The following NKAIN2 variants were observed in gnomAD, a reference collection of about 807,000 sequenced individuals.
The protein encoded by NKAIN2 is sodium/potassium-transporting ATPase subunit beta-1-interacting protein 2.
NKAIN2 carries 14 observed loss-of-function variants against 32.6 expected under a neutral mutation model. The ratio of observed to expected loss-of-function variants is 0.43; its 90% CI spans 0.28 to 0.67. The LOEUF is 0.67. Among genes scored for constraint, NKAIN2 ranks in the 30% least tolerant of loss-of-function variants. The pLI, the probability that NKAIN2 is intolerant of heterozygous loss-of-function variation, is 0.17. For synonymous variants in NKAIN2, 80 were observed against 87.2 expected (o/e 0.92, Z 0.46); for missense variants, 198 against 258.3 (o/e 0.77, Z 1.60).
chr6:124,220,790 T>C (rs1791774135), intron 1 of NKAIN2, among the ~76,000 whole-genome samples: 1 of 152,062 alleles, frequency 6.6e-6, no homozygotes, highest in Non-Finnish European at 1.5e-5. Context: ...TAGTTTTATT[T>C]AAAGAGGCCT....
chr6:123,839,306 T>A (rs1274386908), intron 1 of NKAIN2, among the ~76,000 whole-genome samples: 1 of 152,192 alleles, frequency 6.6e-6, no homozygotes, highest in Non-Finnish European at 1.5e-5. Context: ...TAATTTTTAG[T>A]ACTTTAAGAA....
chr6:124,100,091 GAAC>G (rs1450852426), intron 1 of NKAIN2, among the ~76,000 whole-genome samples: 5 of 152,098 alleles, frequency 3.3e-5, no homozygotes, highest in African/African-American at 1.2e-4. Flanking sequence ...TGTTAAAATT[GAAC>G]ACAGTTTATT....
intron 1 of NKAIN2, among the ~76,000 whole-genome samples, chr6:123,975,563 G>A (rs562422763): frequency 6.6e-6 from 1 of 152,138 alleles, no homozygotes; most frequent in South Asian, 2.1e-4. Flanking sequence ...TCATAAACTG[G>A]GTGGCTTATA....
intron 1 of NKAIN2, among the ~76,000 whole-genome samples, chr6:123,910,499 G>GTGTTTTTTTTTTTTT (rs1491095246): frequency 1.2e-5 from 1 of 81,314 alleles, no homozygotes; most frequent in African/African-American, 5.0e-5. Flanking sequence ...TGCAATGCAT[G>GTGTTTTTTTTTTTTT]TTTTTTTTTT....
chr6:124,222,141 A>G (rs1281730185), intron 1 of NKAIN2, among the ~76,000 whole-genome samples: 1 of 152,152 alleles, frequency 6.6e-6, no homozygotes, highest in East Asian at 1.9e-4. Context: ...AACCTGATAG[A>G]AAATCTGTGT....
At chr6:123,967,946 TAAG>T (rs1562282854) in intron 1 of NKAIN2, among the ~76,000 whole-genome samples, 1 of 152,050 alleles carries the variant, frequency 6.6e-6, no homozygotes, top group Non-Finnish European at 1.5e-5. Flanking sequence ...AGGGCTCACT[TAAG>T]AAGAGGAGAA....
intron 1 of NKAIN2, among the ~76,000 whole-genome samples, chr6:124,198,380 A>G (rs1351678374): frequency 6.6e-6 from 1 of 151,570 alleles, no homozygotes. Flanking sequence ...TGGGAAACCC[A>G]TGGAGCCTGG....
chr6:124,809,198 A>C (rs1052224886), intron 5 of NKAIN2, among the ~76,000 whole-genome samples: 2 of 151,986 alleles, frequency 1.3e-5, no homozygotes, highest in African/African-American at 4.8e-5. Context: ...CAAAAGAACA[A>C]AGCTGGAGGC....
intron 4 of NKAIN2, among the ~76,000 whole-genome samples, chr6:124,716,074 A>C (rs1775737296): frequency 6.6e-6 from 1 of 152,254 alleles, no homozygotes; most frequent in Non-Finnish European, 1.5e-5. Flanking sequence ...GTCTATTGGC[A>C]ACAAGAGTTA....
chr6:123,973,609 T>C (rs913550650), intron 1 of NKAIN2, among the ~76,000 whole-genome samples: 6 of 152,072 alleles, frequency 3.9e-5, no homozygotes, highest in African/African-American at 1.4e-4. Context: ...TTTCCTGCTA[T>C]TCAAAACTCC....
At chr6:124,255,403 C>T (rs1041460066) in intron 1 of NKAIN2, among the ~76,000 whole-genome samples, 6 of 152,318 alleles carry the variant, frequency 3.9e-5, no homozygotes, top group Middle Eastern at 3.4e-3. Context: ...TGAACAGTGT[C>T]TACCTGGGGG....
At chr6:124,669,608 A>G (rs1350565003) in intron 4 of NKAIN2, among the ~76,000 whole-genome samples, 1 of 152,082 alleles carries the variant, frequency 6.6e-6, no homozygotes, top group Non-Finnish European at 1.5e-5. Context: ...GGCCAGCATT[A>G]TCTGGAGCTC....
intron 2 of NKAIN2, among the ~76,000 whole-genome samples, chr6:124,337,446 G>T (rs1165663278): frequency 6.6e-6 from 1 of 152,204 alleles, no homozygotes; most frequent in African/African-American, 2.4e-5. Context: ...GTTGGAGGGT[G>T]CATTGAGCCG....
intron 3 of NKAIN2, among the ~76,000 whole-genome samples, chr6:124,636,254 A>T (rs1783769076): frequency 6.6e-6 from 1 of 151,914 alleles, no homozygotes; most frequent in African/African-American, 2.4e-5. Context: ...AACACAACAT[A>T]CAAAAACCTA....
intron 1 of NKAIN2, among the ~76,000 whole-genome samples, chr6:124,241,907 T>C (rs979866355): frequency 3.3e-5 from 5 of 152,192 alleles, no homozygotes; most frequent in Middle Eastern, 3.4e-3. Context: ...TAACTCAAGA[T>C]GGATTAAAGA....
rs576663978 is a variant in NKAIN2 at position 124,443,301 on chromosome 6, G to T, written c.273+87954G>T. Among the ~76,000 whole-genome samples, 61 of 152,222 alleles carry T rather than the reference G, an allele frequency of 4.0e-4. No individual in the cohort carries two copies. In the South Asian group the frequency reaches 0.012, roughly 29 times the overall value. On this transcript the variant is annotated intron_variant, in intron 3 of 6. Coordinates refer to ENST00000368417, the MANE Select transcript of NKAIN2 (RefSeq NM_001040214.3). ...TTATTGATATGGTTCCATCAATATA[G>T]TGAACAAAGATGATATTCTCCAAGG...
At chr6:124,221,054 T>C (rs1179829264) in intron 1 of NKAIN2, among the ~76,000 whole-genome samples, 2 of 152,064 alleles carry the variant, frequency 1.3e-5, no homozygotes, top group Non-Finnish European at 2.9e-5. Flanking sequence ...GAAAATCAGC[T>C]TTGAAATACC....
intron 1 of NKAIN2, among the ~76,000 whole-genome samples, chr6:123,857,006 A>G (rs949636278): frequency 6.6e-6 from 1 of 152,180 alleles, no homozygotes; most frequent in Admixed American, 6.5e-5. Context: ...TTAATTGTTT[A>G]TCTTTTTTTC....
chr6:124,147,246 C>T (rs1310096629), intron 1 of NKAIN2, among the ~76,000 whole-genome samples: 2 of 152,138 alleles, frequency 1.3e-5, no homozygotes, highest in African/African-American at 2.4e-5. Flanking sequence ...CACTGGAAAG[C>T]GTGACATTCT....
Sources: gnomAD v4.1 joint callset for allele counts (sites outside exome capture counted in the v4.1 genomes callset) on GRCh38, gnomAD v4.1.1 for gene constraint, MANE v1.5 for transcripts, NCBI Gene and HGNC (gene_info 2026-07-23, HGNC 2026-07-21) for gene names.